The following DLGAP1 variants were observed in gnomAD, a reference collection of about 807,000 sequenced individuals.
The protein encoded by DLGAP1 is DLG associated protein 1.
In DLGAP1, 11 loss-of-function variants were observed where a neutral mutation model predicts 90.8. The observed-to-expected ratio is 0.12, with a 90% confidence interval of 0.08 to 0.20. The LOEUF (loss-of-function observed/expected upper bound fraction) is 0.20, where lower values mean the gene tolerates loss of function less well. Ranked by LOEUF, DLGAP1 falls within the 10% of genes least tolerant of loss-of-function variation. The probability of loss-of-function intolerance (pLI) is 1.00; values close to 1 mark genes in which losing one functional copy is unlikely to be tolerated. For missense variants in DLGAP1, 1,050 were observed against 1,333.8 expected (o/e 0.79, Z 3.31); for synonymous variants, 558 against 540.7 (o/e 1.03, Z -0.44).
chr18:3,650,536 T>A (rs2059260659), intron 7 of DLGAP1, among the ~76,000 whole-genome samples: 1 of 152,136 alleles, frequency 6.6e-6, no homozygotes, highest in Non-Finnish European at 1.5e-5. Context: ...AAGAGAACAT[T>A]CGTTTGTTTA....
intron 3 of DLGAP1, among the ~76,000 whole-genome samples, chr18:3,887,630 T>C (rs2071350701): frequency 1.3e-5 from 2 of 152,212 alleles, no homozygotes; most frequent in East Asian, 1.9e-4. Flanking sequence ...TCTGAACACA[T>C]ACATGACATT....
chr18:3,872,225 C>CAAAAAAAAAAAAAAA (rs5822772), intron 4 of DLGAP1, among the ~76,000 whole-genome samples: 1 of 87,092 alleles, frequency 1.1e-5, no homozygotes, highest in South Asian at 4.2e-4. Flanking sequence ...CTCTCCAAGA[C>CAAAAAAAAAAAAAAA]AAAAAAAAAA....
At chr18:3,523,027 T>C (rs2051313985) in intron 10 of DLGAP1, among the ~76,000 whole-genome samples, 1 of 151,952 alleles carries the variant, frequency 6.6e-6, no homozygotes, top group South Asian at 2.1e-4. Context: ...CAAAAATAAA[T>C]AAATGAGACT....
rs554465396 is a variant in DLGAP1 at position 3,660,899 on chromosome 18, C to T, written c.1591+68236G>A. Among the ~76,000 whole-genome samples, 1 of 152,134 alleles carries T rather than the reference C, an allele frequency of 6.6e-6. No individual in the cohort carries two copies. The highest frequency in any genetic ancestry group is 2.1e-4 in the South Asian group (1 of 4,812). The stretch of plus-strand genomic sequence containing the variant: ...TTGTCTCAACTGTCATCACCCTGGG[C>T]CAAATTATGACAGCAATGTTCACAG... On this transcript the variant is annotated intron_variant, in intron 7 of 12. Coordinates refer to ENST00000315677, the MANE Select transcript of DLGAP1 (RefSeq NM_004746.4). This position sits in a 1 kb window ranked among gnomAD's most constrained non-coding sequence, Gnocchi z 4.2.
chr18:4,413,406 T>C (rs2082825366), intron 1 of DLGAP1, among the ~76,000 whole-genome samples: 1 of 152,124 alleles, frequency 6.6e-6, no homozygotes. Flanking sequence ...CTGGCCCCCT[T>C]GCTCATTTGT....
chr18:3,798,942 C>T (rs775127245), intron 5 of DLGAP1, among the ~76,000 whole-genome samples: 3 of 151,786 alleles, frequency 2.0e-5, no homozygotes, highest in Non-Finnish European at 2.9e-5. Flanking sequence ...GGTGCAATCT[C>T]GGCTCACTGC....
At chr18:4,398,756 A>G (rs2082490623) in intron 1 of DLGAP1, among the ~76,000 whole-genome samples, 1 of 152,218 alleles carries the variant, frequency 6.6e-6, no homozygotes, top group Non-Finnish European at 1.5e-5. Flanking sequence ...AATTCATTAA[A>G]TCACAAACCT....
intron 3 of DLGAP1, among the ~76,000 whole-genome samples, chr18:3,982,198 T>C (rs372272666): frequency 6.6e-6 from 1 of 152,322 alleles, no homozygotes; most frequent in African/African-American, 2.4e-5. Flanking sequence ...AGGCAAAGCA[T>C]ACAGGATCTT....
chr18:3,741,058 T>TCACCACCACCACCATCAC (rs2062926438), intron 6 of DLGAP1, among the ~76,000 whole-genome samples: 2 of 25,908 alleles, frequency 7.7e-5, no homozygotes, highest in African/African-American at 4.2e-4. Flanking sequence ...ACCACCACCA[T>TCACCACCACCACCATCAC]CACCACCACC....
chr18:3,565,858 A>G lies in DLGAP1; in HGVS notation c.2057+1632T>C, dbSNP rs2054399263. On this transcript the variant is annotated intron_variant, in intron 9 of 12. Coordinates refer to ENST00000315677, the MANE Select transcript of DLGAP1 (RefSeq NM_004746.4). The surrounding 1 kb of genome is among the most constrained non-coding windows in gnomAD (Gnocchi z 4.0). ...TCAAAAAAACCACACACAAAAAACAAACAAACAAAAAAAAATGATTACTAA... is the reference window on the plus strand; with the variant it reads ...TCAAAAAAACCACACACAAAAAACAGACAAACAAAAAAAAATGATTACTAA... Among the ~76,000 whole-genome samples, 1 of 143,076 alleles carries G rather than the reference A, an allele frequency of 7.0e-6. No homozygotes were observed. Among genetic ancestry groups the G allele is most frequent in the South Asian group, 2.2e-4 (1 of 4,498 alleles). The allele number at this position is 143,076 out of a possible 152,430, so 93.9% of individuals were successfully genotyped here. A position where few individuals can be genotyped will look rare whatever the true frequency, so the allele number is the denominator to read the frequency against.
At chr18:4,358,052 T>C (rs545475233) in intron 1 of DLGAP1, among the ~76,000 whole-genome samples, 9 of 152,290 alleles carry the variant, frequency 5.9e-5, no homozygotes, top group Middle Eastern at 3.4e-3. Flanking sequence ...ACAGAGAGCA[T>C]AAACCGTTCA....
At chr18:3,862,841 T>C (rs1056196139) in intron 4 of DLGAP1, among the ~76,000 whole-genome samples, 3 of 152,274 alleles carry the variant, frequency 2.0e-5, no homozygotes, top group Non-Finnish European at 4.4e-5. Context: ...TGCCACACTG[T>C]GAGGGCATGG....
At chr18:3,870,327 T>C (rs1318376467) in intron 4 of DLGAP1, among the ~76,000 whole-genome samples, 2 of 152,234 alleles carry the variant, frequency 1.3e-5, no homozygotes, top group African/African-American at 2.4e-5. Flanking sequence ...GGCATACATG[T>C]GATATTATTG....
At chr18:4,303,376 G>A (rs1228590413) in intron 1 of DLGAP1, among the ~76,000 whole-genome samples, 4 of 152,106 alleles carry the variant, frequency 2.6e-5, no homozygotes, top group African/African-American at 9.7e-5. Context: ...TGTTCATGAG[G>A]GCAGCTGATC....
At chr18:3,919,508 C>G (rs1337073711) in intron 3 of DLGAP1, among the ~76,000 whole-genome samples, 2 of 152,070 alleles carry the variant, frequency 1.3e-5, no homozygotes, top group African/African-American at 2.4e-5. Flanking sequence ...CAAGGAGGTC[C>G]CAGAGCCATA....
intron 5 of DLGAP1, among the ~76,000 whole-genome samples, chr18:3,806,316 C>G (rs910369776): frequency 2.0e-5 from 3 of 152,304 alleles, no homozygotes; most frequent in East Asian, 3.9e-4. Context: ...CCAAAACTAT[C>G]AATTTTAACA....
intron 1 of DLGAP1, among the ~76,000 whole-genome samples, chr18:4,366,590 A>C (rs192920239): frequency 6.6e-6 from 1 of 152,130 alleles, no homozygotes; most frequent in East Asian, 1.9e-4. Flanking sequence ...GAAAAAAAAA[A>C]GTCTGAAAAG....
intron 1 of DLGAP1, among the ~76,000 whole-genome samples, chr18:4,176,106 G>T (rs1425876471): frequency 6.6e-6 from 1 of 152,104 alleles, no homozygotes; most frequent in Non-Finnish European, 1.5e-5. Context: ...ATTTCCTTGA[G>T]CAGTTGTTTA....
intron 2 of DLGAP1, among the ~76,000 whole-genome samples, chr18:4,030,967 C>CG (rs2074786623): frequency 6.6e-6 from 1 of 152,004 alleles, no homozygotes; most frequent in Non-Finnish European, 1.5e-5. Context: ...TTTTCACAAA[C>CG]GGTAGCTGTT....
Sources: gnomAD v4.1 joint callset for allele counts (sites outside exome capture counted in the v4.1 genomes callset) on GRCh38, gnomAD v4.1.1 for gene constraint, Gnocchi (gnomAD v3.1) non-coding constraint, MANE v1.5 for transcripts, NCBI Gene and HGNC (gene_info 2026-07-23, HGNC 2026-07-21) for gene names.